TAOK1: variants seen among roughly 807,000 people sequenced by gnomAD.
TAOK1 encodes TAO kinase 1, also known as serine/threonine-protein kinase TAO1.
A neutral mutation model predicts 138.3 loss-of-function variants in TAOK1; 21 were observed. The observed-to-expected ratio is 0.15, with a 90% CI of 0.11 to 0.22. TAOK1 has a LOEUF of 0.22. Among genes scored for constraint, TAOK1 ranks in the 10% least tolerant of loss-of-function variants. The pLI is 1.00. For missense variants in TAOK1, 651 were observed against 1,227.7 expected (o/e 0.53, Z 7.02); for synonymous variants, 361 against 398.4 (o/e 0.91, Z 1.12).
intron 1 of TAOK1, among the ~76,000 whole-genome samples, chr17:29,416,178 C>T (rs1363300563): frequency 2.0e-5 from 3 of 152,022 alleles, no homozygotes; most frequent in South Asian, 2.1e-4. Context: ...GCAGGAGAAT[C>T]GCTGGAACCC....
intron 1 of TAOK1, among the ~76,000 whole-genome samples, chr17:29,438,141 G>T (rs898168678): frequency 6.6e-6 from 1 of 152,124 alleles, no homozygotes; most frequent in Non-Finnish European, 1.5e-5. Context: ...ACATTCATAT[G>T]TATAAGCCCA....
intron 19 of TAOK1, among the ~76,000 whole-genome samples, chr17:29,539,815 G>A (rs1053127752): frequency 6.6e-6 from 1 of 152,142 alleles, no homozygotes; most frequent in African/African-American, 2.4e-5. Context: ...GGGAGGTGGA[G>A]GTTGCAGCGA....
intron 16 of TAOK1, among the ~76,000 whole-genome samples, chr17:29,519,548 T>A (rs2559629): frequency 0.38 from 57,399 of 151,538 alleles, 12,076 homozygotes; most frequent in Non-Finnish European, 0.48. Context: ...AAGAAAAAAA[T>A]TATTCTCATT....
At chr17:29,479,884 C>T (rs1372088256) in intron 6 of TAOK1, among the ~76,000 whole-genome samples, 1 of 151,916 alleles carries the variant, frequency 6.6e-6, no homozygotes. Context: ...GAAAACTATG[C>T]TGACGTTTGG....
chr17:29,459,007 A>G (rs1341316937), intron 2 of TAOK1, among the ~76,000 whole-genome samples: 4 of 152,222 alleles, frequency 2.6e-5, no homozygotes, highest in African/African-American at 9.6e-5. Context: ...GGCATGAGCC[A>G]CTTTGCCCAG....
At position 29,503,715 on chromosome 17, in the gene TAOK1, C is replaced by T. The variant is rs1430734773; in HGVS notation, c.1338+992C>T. Among the ~76,000 whole-genome samples the T allele has an allele frequency of 5.9e-5, 9 of 152,078 alleles. No individual in the cohort carries two copies. The East Asian group carries it at 1.7e-3, about 29-fold the overall frequency. ...AAAGGCTGGGTGTGGTAGCTCATGC[C>T]TGTAATTGTAGCACTTTGGGAGGCT... On this transcript the variant is annotated intron_variant, in intron 13 of 19. Transcript: ENST00000261716.
chr17:29,490,503 G>C (rs1170677275), intron 9 of TAOK1, among the ~76,000 whole-genome samples: 1 of 152,126 alleles, frequency 6.6e-6, no homozygotes, highest in Non-Finnish European at 1.5e-5. Context: ...ATTATTTAAA[G>C]AGTACATAAT....
intron 13 of TAOK1, among the ~76,000 whole-genome samples, chr17:29,503,716 T>C (rs1455333702): frequency 6.6e-6 from 1 of 152,174 alleles, no homozygotes; most frequent in East Asian, 1.9e-4. Context: ...AGCTCATGCC[T>C]GTAATTGTAG....
chr17:29,528,134 C>T (rs937765167), intron 17 of TAOK1, among the ~76,000 whole-genome samples: 16 of 152,272 alleles, frequency 1.1e-4, no homozygotes, highest in Admixed American at 1.0e-3. Flanking sequence ...ACTGCAGCCT[C>T]CACCTCCCGG....
intron 15 of TAOK1, among the ~76,000 whole-genome samples, chr17:29,515,792 C>A (rs752725703): frequency 6.6e-6 from 1 of 151,052 alleles, no homozygotes. Flanking sequence ...GCCGAGATCG[C>A]GCCACTGCAC....
chr17:29,392,201 G>T (rs1904454974), intron 1 of TAOK1, among the ~76,000 whole-genome samples: 2 of 152,050 alleles, frequency 1.3e-5, no homozygotes, highest in South Asian at 4.2e-4. Flanking sequence ...GGGCGACAGA[G>T]CGAGACTCCG....
chr17:29,422,401 A>G (rs1240619240), intron 1 of TAOK1, among the ~76,000 whole-genome samples: 2 of 145,442 alleles, frequency 1.4e-5, no homozygotes, highest in African/African-American at 5.1e-5. Flanking sequence ...TTTAGTAGAG[A>G]CTGCGTTTCA....
rs1015619587 is a variant in TAOK1 at position 29,534,052 on chromosome 17, A to G, written c.2362-66A>G. The G allele has an allele frequency of 1.7e-5, 24 of 1,443,310 alleles. No homozygotes were observed. In the Admixed American group the frequency reaches 3.4e-4, roughly 20 times the overall value. The allele number at this position is 1,443,310 out of a possible 1,614,324, so 89.4% of individuals were successfully genotyped here. A position where few individuals can be genotyped will look rare whatever the true frequency, so the allele number is the denominator to read the frequency against. ...TTCTAACACTCCTCCTCCTTTCCAT[A>G]GGTCATGAATTGATAGCTAACATTA... On this transcript the variant is annotated intron_variant, in intron 18 of 19. Coordinates refer to ENST00000261716, the MANE Select transcript of TAOK1 (RefSeq NM_020791.4).
At chr17:29,406,801 A>G (rs1905005058) in intron 1 of TAOK1, among the ~76,000 whole-genome samples, 1 of 152,064 alleles carries the variant, frequency 6.6e-6, no homozygotes, top group African/African-American at 2.4e-5. Flanking sequence ...CTCCCGGGCT[A>G]AAGTGATCCT....
intron 1 of TAOK1, among the ~76,000 whole-genome samples, chr17:29,394,460 CG>C (rs1904530105): frequency 6.6e-6 from 1 of 151,936 alleles, no homozygotes. Context: ...CCACCGTGCC[CG>C]GCAAATTTGC....
chr17:29,436,056 G>C (rs972324732), intron 1 of TAOK1, among the ~76,000 whole-genome samples: 2 of 152,192 alleles, frequency 1.3e-5, no homozygotes, highest in Admixed American at 6.5e-5. Context: ...GTTGAACCCG[G>C]GAGGCAGAGG....
At chr17:29,425,961 AGCTCC>A (rs1466995493) in intron 1 of TAOK1, among the ~76,000 whole-genome samples, 1 of 152,114 alleles carries the variant, frequency 6.6e-6, no homozygotes, top group African/African-American at 2.4e-5. Context: ...GCTCACTGCA[AGCTCC>A]GCCTTCTGGG....
chr17:29,397,684 C>CATGTATGATACACGTATAT (rs1555555367), intron 1 of TAOK1, among the ~76,000 whole-genome samples: 2 of 128,116 alleles, frequency 1.6e-5, no homozygotes, highest in East Asian at 2.2e-4. Context: ...TACATGTATA[C>CATGTATGATACACGTATAT]ATGTATATTC....
Position 29,400,119 on chromosome 17 carries a change from C to T in TAOK1, c.-95+9095C>T, listed in dbSNP as rs557111147. Among the ~76,000 whole-genome samples, 142 of 151,932 alleles carry T rather than the reference C, an allele frequency of 9.3e-4. 1 individual carries two copies. The highest frequency in any genetic ancestry group is 5.0e-4 in the Non-Finnish European group (34 of 67,986). On this transcript the variant is annotated intron_variant, in intron 1 of 19. Coordinates refer to ENST00000261716, the MANE Select transcript of TAOK1 (RefSeq NM_020791.4). The stretch of plus-strand genomic sequence containing the variant: ...TTAAGAAATGACATTTCAGGCCGGG[C>T]GTGGTGGCTCAGGCCTGTAATCTCA...
Sources: gnomAD v4.1 joint callset for allele counts (sites outside exome capture counted in the v4.1 genomes callset) on GRCh38, gnomAD v4.1.1 for gene constraint, MANE v1.5 for transcripts, NCBI Gene and HGNC (gene_info 2026-07-23, HGNC 2026-07-21) for gene names.